Variants in CORO2B observed in about 807,000 individuals in gnomAD.
CORO2B encodes coronin 2B, also known as coronin-2B.
A neutral mutation model predicts 58.8 loss-of-function variants in CORO2B; 26 were observed. That is an observed-to-expected ratio of 0.44 (90% CI 0.32 to 0.61). CORO2B has a LOEUF of 0.61. Ranked by LOEUF, CORO2B falls within the 20% of genes least tolerant of loss-of-function variation. The pLI, the probability that CORO2B is intolerant of heterozygous loss-of-function variation, is 0.04. For synonymous variants in CORO2B, 242 were observed against 253.8 expected (o/e 0.95, Z 0.44); for missense variants, 460 against 645.1 (o/e 0.71, Z 3.11).
chr15:68,702,754 T>TGTAC (rs776974333), intron 3 of CORO2B, among the ~76,000 whole-genome samples: 1 of 151,972 alleles, frequency 6.6e-6, no homozygotes, highest in Non-Finnish European at 1.5e-5. Context: ...CCAATGATTG[T>TGTAC]GTACTGTATA....
At chr15:68,518,863 C>G in the CORO2B span, among the ~76,000 whole-genome samples, 1 of 152,094 alleles carries the variant, frequency 6.6e-6, no homozygotes, top group Non-Finnish European at 1.5e-5. Flanking sequence ...TCCCTCAGGC[C>G]CAAGGACTCC....
intron 1 of CORO2B, among the ~76,000 whole-genome samples, chr15:68,606,122 T>C (rs1352282766): frequency 1.3e-5 from 2 of 151,896 alleles, no homozygotes; most frequent in Non-Finnish European, 2.9e-5. Flanking sequence ...AGAAGACCAG[T>C]AGTTTAGCTC....
chr15:68,635,440 A>G (rs902111574), intron 1 of CORO2B, among the ~76,000 whole-genome samples: 2 of 152,172 alleles, frequency 1.3e-5, no homozygotes, highest in East Asian at 1.9e-4. Flanking sequence ...AGTGGGTGCT[A>G]TTCTGCCACC....
chr15:68,631,537 T>C (rs1900829184), intron 1 of CORO2B, among the ~76,000 whole-genome samples: 1 of 152,178 alleles, frequency 6.6e-6, no homozygotes, highest in South Asian at 2.1e-4. Context: ...TGTCCTCTCT[T>C]CTTCCAGAAT....
chr15:68,595,060 G>A (rs1899793304), intron 1 of CORO2B, among the ~76,000 whole-genome samples: 1 of 152,206 alleles, frequency 6.6e-6, no homozygotes, highest in Admixed American at 6.5e-5. Context: ...TATTTTAAGA[G>A]TCAGTTGAGT....
At chr15:68,616,246 G>C (rs1428968746) in intron 1 of CORO2B, among the ~76,000 whole-genome samples, 1 of 152,124 alleles carries the variant, frequency 6.6e-6, no homozygotes, top group Non-Finnish European at 1.5e-5. Flanking sequence ...TAATACCCCT[G>C]CCTCTTCCCC....
At chr15:68,719,637 A>G in intron 11 of CORO2B, 85 bp downstream of exon 11, 1 of 1,439,372 alleles carries the variant, frequency 6.9e-7, no homozygotes. Flanking sequence ...CCTTTAAGCC[A>G]GTTCCATTCT....
chr15:68,621,164 G>A (rs533860777), intron 1 of CORO2B, among the ~76,000 whole-genome samples: 71 of 152,230 alleles, frequency 4.7e-4, no homozygotes, highest in African/African-American at 1.6e-3. Flanking sequence ...CATAAGCAAT[G>A]TAGCCACAGC....
the CORO2B span, among the ~76,000 whole-genome samples, chr15:68,531,555 G>GGAAAGAAAGAAAGA: frequency 0.049 from 3,808 of 77,644 alleles, 119 homozygotes; most frequent in Middle Eastern, 0.067. Context: ...AAGGAAGGAA[G>GGAAAGAAAGAAAGA]GAAAGAAAGA....
chr15:68,641,725 T>C (rs1334531968), intron 1 of CORO2B: 1 of 333,560 alleles, frequency 3.0e-6, no homozygotes, highest in East Asian at 1.7e-4. Flanking sequence ...GCCACCTTTA[T>C]TTTTTATTTA....
At chr15:68,534,833 C>T in the CORO2B span, among the ~76,000 whole-genome samples, 1 of 152,206 alleles carries the variant, frequency 6.6e-6, no homozygotes, top group African/African-American at 2.4e-5. Flanking sequence ...GGGGAGGCCT[C>T]ACAATCGTGG....
At chr15:68,713,239 A>C (rs1259058155) in intron 5 of CORO2B, among the ~76,000 whole-genome samples, 1 of 152,102 alleles carries the variant, frequency 6.6e-6, no homozygotes, top group Admixed American at 6.5e-5. Context: ...CAAAATGGGG[A>C]TAATGATTTC....
the CORO2B span, among the ~76,000 whole-genome samples, chr15:68,519,223 C>T: frequency 7.2e-4 from 109 of 152,238 alleles, no homozygotes; most frequent in African/African-American, 2.5e-3. Context: ...CAGACAAGGG[C>T]TAAGGAGAAG....
At chr15:68,536,600 C>T in the CORO2B span, among the ~76,000 whole-genome samples, 1 of 152,192 alleles carries the variant, frequency 6.6e-6, no homozygotes, top group Non-Finnish European at 1.5e-5. Context: ...GATTGTGATA[C>T]TTTGGTATGT....
the CORO2B span, among the ~76,000 whole-genome samples, chr15:68,529,389 A>G: frequency 6.6e-6 from 1 of 152,230 alleles, no homozygotes. Flanking sequence ...TCTAAAGATG[A>G]GATATCACAA....
upstream of CORO2B, among the ~76,000 whole-genome samples, chr15:68,578,079 G>A (rs970707401): frequency 6.6e-6 from 1 of 152,168 alleles, no homozygotes; most frequent in Non-Finnish European, 1.5e-5. This position sits in a 1 kb window ranked among gnomAD's most constrained non-coding sequence, Gnocchi z 4.2. Context: ...GCTTGGGAGG[G>A]AGACTCCTTT....
chr15:68,577,379 G>A (rs1364227656), upstream of CORO2B, among the ~76,000 whole-genome samples: 2 of 152,064 alleles, frequency 1.3e-5, no homozygotes, highest in East Asian at 1.9e-4. Context: ...AAATGGGGAC[G>A]GTAATTCTTT....
At chr15:68,536,357 T>C in the CORO2B span, among the ~76,000 whole-genome samples, 1 of 152,248 alleles carries the variant, frequency 6.6e-6, no homozygotes, top group East Asian at 1.9e-4. Context: ...TATTAGGTTT[T>C]GTGATTTTGA....
chr15:68,632,737 C>T (rs188644449), intron 1 of CORO2B, among the ~76,000 whole-genome samples: 7 of 152,230 alleles, frequency 4.6e-5, no homozygotes, highest in East Asian at 3.9e-4. Flanking sequence ...ACTATAGGTG[C>T]GCGCTAGCAC....
Sources: gnomAD v4.1 joint callset for allele counts (sites outside exome capture counted in the v4.1 genomes callset) on GRCh38, gnomAD v4.1.1 for gene constraint, Gnocchi (gnomAD v3.1) non-coding constraint, MANE v1.5 for transcripts, NCBI Gene and HGNC (gene_info 2026-07-23, HGNC 2026-07-21) for gene names.